Variants in PTPRT observed in about 807,000 individuals in gnomAD.
PTPRT encodes the protein protein tyrosine phosphatase receptor type T.
A neutral mutation model predicts 176.8 loss-of-function variants in PTPRT; 56 were observed. The observed-to-expected ratio is 0.32, with a 90% CI of 0.26 to 0.40. The LOEUF (loss-of-function observed/expected upper bound fraction) is 0.40. PTPRT is among the 10% of genes least tolerant of loss of function. The pLI is 1.00. For missense variants in PTPRT, 1,540 were observed against 1,908.2 expected (o/e 0.81, Z 3.60); for synonymous variants, 783 against 739.0 (o/e 1.06, Z -0.96).
chr20:43,008,811 G>A (rs1984984664), intron 1 of PTPRT, among the ~76,000 whole-genome samples: 1 of 152,170 alleles, frequency 6.6e-6, no homozygotes, highest in East Asian at 1.9e-4. Context: ...AGTGAGCCCA[G>A]AGAGCCACAA....
At chr20:43,000,672 T>C (rs1444190170) in intron 1 of PTPRT, among the ~76,000 whole-genome samples, 3 of 151,858 alleles carry the variant, frequency 2.0e-5, no homozygotes, top group Non-Finnish European at 4.4e-5. Flanking sequence ...AATGCAGAAG[T>C]ACATGACAGA....
At chr20:42,688,082 A>G (rs1291920544) in intron 6 of PTPRT, 1 of 152,152 alleles carries the variant, frequency 6.6e-6, no homozygotes, top group Admixed American at 6.5e-5. Context: ...GACCCCACTA[A>G]CAACATCTCT....
intron 3 of PTPRT, among the ~76,000 whole-genome samples, chr20:42,786,159 C>T (rs913195785): frequency 1.3e-5 from 2 of 152,176 alleles, no homozygotes; most frequent in Non-Finnish European, 2.9e-5. Flanking sequence ...CCTGAGGCCT[C>T]CCCAGCCATG....
chr20:42,578,077 G>C (rs997024960), intron 7 of PTPRT, among the ~76,000 whole-genome samples: 15 of 152,006 alleles, frequency 9.9e-5, no homozygotes, highest in Non-Finnish European at 1.9e-4. Flanking sequence ...CAACCTTAAT[G>C]CCAAGACAAA....
chr20:42,449,582 C>G (rs113517358), intron 8 of PTPRT, among the ~76,000 whole-genome samples: 13 of 152,264 alleles, frequency 8.5e-5, no homozygotes, highest in African/African-American at 2.9e-4. Flanking sequence ...GGTATTATCT[C>G]CTTTGCGTCG....
chr20:43,094,791 T>G (rs2012058711), intron 1 of PTPRT, among the ~76,000 whole-genome samples: 1 of 152,138 alleles, frequency 6.6e-6, no homozygotes, highest in African/African-American at 2.4e-5. Context: ...CATGGCTGCA[T>G]CTCCAGCATT....
At chr20:42,688,277 C>T (rs1465826071) in intron 6 of PTPRT, 3 of 152,222 alleles carry the variant, frequency 2.0e-5, no homozygotes, top group African/African-American at 7.2e-5. Context: ...GCACCCATGG[C>T]ACAGTATCTT....
chr20:42,317,451 C>T (rs999406851), intron 11 of PTPRT, among the ~76,000 whole-genome samples: 2 of 152,142 alleles, frequency 1.3e-5, no homozygotes, highest in Non-Finnish European at 2.9e-5. Flanking sequence ...GACTCATGAT[C>T]TAAAACAGAA....
chr20:42,613,361 A>G (rs2074007151), intron 7 of PTPRT, among the ~76,000 whole-genome samples: 1 of 152,240 alleles, frequency 6.6e-6, no homozygotes, highest in Admixed American at 6.5e-5. Flanking sequence ...GAAGCTAATG[A>G]GCAAATTCTC....
chr20:42,902,470 G>A (rs553469670), intron 1 of PTPRT, among the ~76,000 whole-genome samples: 1 of 152,184 alleles, frequency 6.6e-6, no homozygotes, highest in Non-Finnish European at 1.5e-5. Flanking sequence ...CCTTGGCCCA[G>A]TGAGGATCAG....
chr20:42,350,225 T>G (rs1201839075), intron 11 of PTPRT, among the ~76,000 whole-genome samples: 3 of 66,224 alleles, frequency 4.5e-5, no homozygotes, highest in African/African-American at 1.7e-4. Flanking sequence ...TTTTTTTTTT[T>G]TTTTTTTTTT....
intron 7 of PTPRT, among the ~76,000 whole-genome samples, chr20:42,557,884 T>C (rs1025147226): frequency 6.6e-6 from 1 of 152,220 alleles, no homozygotes; most frequent in Admixed American, 6.5e-5. Flanking sequence ...ACCTTTCCCA[T>C]GGCCAACCCA....
chr20:42,659,324 G>A (rs146839973), intron 7 of PTPRT, among the ~76,000 whole-genome samples: 1 of 152,236 alleles, frequency 6.6e-6, no homozygotes, highest in African/African-American at 2.4e-5. Context: ...GGAATATGTG[G>A]CCAGAATTAA....
At chr20:42,631,960 C>A (rs1449262130) in intron 7 of PTPRT, among the ~76,000 whole-genome samples, 2 of 152,100 alleles carry the variant, frequency 1.3e-5, no homozygotes, top group African/African-American at 4.8e-5. Context: ...ATAGTTTATG[C>A]AAACAATGTG....
intron 7 of PTPRT, among the ~76,000 whole-genome samples, chr20:42,594,130 T>C (rs943854293): frequency 3.3e-5 from 5 of 151,922 alleles, no homozygotes; most frequent in Non-Finnish European, 7.4e-5. Flanking sequence ...GAGACCAACG[T>C]GAAGGGAAAG....
chr20:42,772,767 G>C (rs970173986), intron 4 of PTPRT, among the ~76,000 whole-genome samples: 1 of 152,156 alleles, frequency 6.6e-6, no homozygotes, highest in Non-Finnish European at 1.5e-5. Flanking sequence ...CTTTCTACAA[G>C]GAGTCAAATA....
At chr20:42,937,097 G>A (rs1600573897) in intron 1 of PTPRT, among the ~76,000 whole-genome samples, 3 of 152,160 alleles carry the variant, frequency 2.0e-5, no homozygotes, top group Admixed American at 6.5e-5. Context: ...GGCTTTACAC[G>A]TTATGTGCGC....
chr20:42,846,457 C>A (rs2078374029), intron 2 of PTPRT, among the ~76,000 whole-genome samples: 1 of 152,182 alleles, frequency 6.6e-6, no homozygotes, highest in Non-Finnish European at 1.5e-5. Context: ...CAGATGTTCG[C>A]CATGGCTGTG....
chr20:42,357,234 CT>C (rs5841459), intron 9 of PTPRT, among the ~76,000 whole-genome samples: 45,510 of 152,048 alleles, frequency 0.3, 7,246 homozygotes, highest in East Asian at 0.67. Flanking sequence ...TAAATATGGA[CT>C]TATGGCTACT....
Sources: gnomAD v4.1 joint callset for allele counts (sites outside exome capture counted in the v4.1 genomes callset) on GRCh38, gnomAD v4.1.1 for gene constraint, MANE v1.5 for transcripts, NCBI Gene and HGNC (gene_info 2026-07-23, HGNC 2026-07-21) for gene names.